Variants in TMEM132D observed in about 807,000 individuals in gnomAD.
The protein encoded by TMEM132D is mature OL transmembrane protein.
A neutral mutation model predicts 62.3 loss-of-function variants in TMEM132D; 21 were observed. That is an observed-to-expected ratio of 0.34 (90% CI 0.24 to 0.49). The LOEUF (loss-of-function observed/expected upper bound fraction) is 0.49, where lower values mean the gene tolerates loss of function less well. TMEM132D is among the 20% of genes least tolerant of loss of function. The pLI is 0.99. For missense variants in TMEM132D, 1,346 were observed against 1,402.8 expected (o/e 0.96, Z 0.65); for synonymous variants, 621 against 575.6 (o/e 1.08, Z -1.13).
chr12:129,498,386 C>T (rs111989832), intron 3 of TMEM132D, among the ~76,000 whole-genome samples: 11,561 of 152,094 alleles, frequency 0.076, 532 homozygotes, highest in Admixed American at 0.13. Flanking sequence ...CCTGAGCACC[C>T]GGGGTTACAG....
chr12:129,206,362 C>T (rs955417497), intron 5 of TMEM132D, among the ~76,000 whole-genome samples: 12 of 152,150 alleles, frequency 7.9e-5, no homozygotes, highest in Admixed American at 2.6e-4. Context: ...TGCTTAACAT[C>T]ACTAATCATT....
At chr12:129,196,118 C>T (rs1878543805) in intron 5 of TMEM132D, among the ~76,000 whole-genome samples, 1 of 151,740 alleles carries the variant, frequency 6.6e-6, no homozygotes, top group Non-Finnish European at 1.5e-5. Flanking sequence ...CAGAGTGAGA[C>T]TCCATCTCAA....
At chr12:129,796,243 A>T (rs529071956) in intron 1 of TMEM132D, among the ~76,000 whole-genome samples, 2 of 152,260 alleles carry the variant, frequency 1.3e-5, no homozygotes, top group Admixed American at 1.3e-4. Context: ...TTTGGGCTAA[A>T]TCTTTTTTGG....
At position 129,373,491 on chromosome 12, in the gene TMEM132D, G is replaced by T. The variant is rs186094625; in HGVS notation, c.1116-35674C>A. The stretch of plus-strand genomic sequence containing the variant: ...ACTAAAAATACAAAAAATTAGCCAG[G>T]CTCGGTGGCGGGCGCCTGTAGTCCC... On this transcript the variant is annotated intron_variant, in intron 3 of 8. Transcript: ENST00000422113. Among the ~76,000 whole-genome samples the T allele has an allele frequency of 2.7e-3, 406 of 152,140 alleles. 3 individuals are homozygous for T. The highest frequency in any genetic ancestry group is 9.3e-3 in the African/African-American group (384 of 41,510).
chr12:129,851,213 C>T (rs1873530137), intron 1 of TMEM132D, among the ~76,000 whole-genome samples: 1 of 152,198 alleles, frequency 6.6e-6, no homozygotes, highest in Non-Finnish European at 1.5e-5. Flanking sequence ...TTTGCGTATA[C>T]AGCTAATCCA....
intron 4 of TMEM132D, among the ~76,000 whole-genome samples, chr12:129,336,895 C>G (rs1869299144): frequency 6.6e-6 from 1 of 152,160 alleles, no homozygotes; most frequent in Non-Finnish European, 1.5e-5. Flanking sequence ...ACTACTTGCT[C>G]AAGACAAACG....
intron 4 of TMEM132D, among the ~76,000 whole-genome samples, chr12:129,316,433 T>G (rs1202965781): frequency 6.6e-6 from 1 of 152,212 alleles, no homozygotes; most frequent in African/African-American, 2.4e-5. Context: ...GGTTATTTGA[T>G]TTCCATGTAT....
chr12:129,622,018 C>A (rs1316167841), intron 2 of TMEM132D, among the ~76,000 whole-genome samples: 2 of 152,142 alleles, frequency 1.3e-5, no homozygotes, highest in Non-Finnish European at 2.9e-5. Context: ...TGGAGGGAAA[C>A]CCTCAAGTGT....
intron 5 of TMEM132D, among the ~76,000 whole-genome samples, chr12:129,206,920 G>A (rs1389328822): frequency 5.3e-5 from 8 of 152,126 alleles, no homozygotes; most frequent in African/African-American, 1.9e-4. Flanking sequence ...ATACTAGGAG[G>A]AGAATAACAC....
chr12:129,366,771 G>T (rs1870428135), intron 3 of TMEM132D, among the ~76,000 whole-genome samples: 1 of 152,130 alleles, frequency 6.6e-6, no homozygotes, highest in Non-Finnish European at 1.5e-5. Context: ...GCAGGGCAGG[G>T]TTCAACAGGA....
At chr12:129,386,506 C>G (rs1311579521) in intron 3 of TMEM132D, among the ~76,000 whole-genome samples, 1 of 152,032 alleles carries the variant, frequency 6.6e-6, no homozygotes, top group Non-Finnish European at 1.5e-5. Flanking sequence ...CCAATGCTAA[C>G]AGTATCACTA....
intron 1 of TMEM132D, among the ~76,000 whole-genome samples, chr12:129,716,175 C>CA (rs202066953): frequency 0.012 from 1,867 of 152,264 alleles, 12 homozygotes; most frequent in Non-Finnish European, 0.018. Flanking sequence ...TTCAGACTTG[C>CA]AGTCTGAAGT....
intron 3 of TMEM132D, among the ~76,000 whole-genome samples, chr12:129,485,797 T>A (rs1874563548): frequency 6.6e-6 from 1 of 152,220 alleles, no homozygotes; most frequent in Admixed American, 6.5e-5. Context: ...AGTCCAAGAA[T>A]TCTGAATCCT....
chr12:129,599,754 TTACACAA>T (rs1878437030), intron 2 of TMEM132D, among the ~76,000 whole-genome samples: 1 of 152,198 alleles, frequency 6.6e-6, no homozygotes, highest in African/African-American at 2.4e-5. Flanking sequence ...CAAGTTACAT[TTACACAA>T]TGCTGTTGTC....
chr12:129,747,214 T>TTCTCCCTCCTCCCCCTCCTTCTCCC (rs1555229163), intron 1 of TMEM132D, among the ~76,000 whole-genome samples: 1 of 5,968 alleles, frequency 1.7e-4, no homozygotes, highest in African/African-American at 4.7e-4. Context: ...TTACTCCTCC[T>TTCTCCCTCCTCCCCCTCCTTCTCCC]TCCAGCCACC....
At chr12:129,412,512 A>AC (rs35232386) in intron 3 of TMEM132D, among the ~76,000 whole-genome samples, 107,361 of 151,826 alleles carry the variant, frequency 0.71, 38,251 homozygotes, top group East Asian at 0.9. Context: ...TATAAGTGCC[A>AC]CCCCTCCTCC....
intron 3 of TMEM132D, among the ~76,000 whole-genome samples, chr12:129,452,254 A>G (rs966229910): frequency 5.3e-5 from 8 of 152,224 alleles, no homozygotes; most frequent in African/African-American, 1.9e-4. Flanking sequence ...TAACATGCCG[A>G]ACACCGGAAG....
chr12:129,492,307 T>C (rs757467487), intron 3 of TMEM132D, among the ~76,000 whole-genome samples: 6 of 152,222 alleles, frequency 3.9e-5, no homozygotes, highest in Non-Finnish European at 7.3e-5. Context: ...CAGAGTTTCC[T>C]GAAAAGCAAT....
chr12:129,851,493 G>A (rs541595165), intron 1 of TMEM132D, among the ~76,000 whole-genome samples: 1 of 152,312 alleles, frequency 6.6e-6, no homozygotes, highest in South Asian at 2.1e-4. Flanking sequence ...AATTGGAACT[G>A]TAGTGACATG....
Sources: allele counts gnomAD v4.1 joint callset (sites outside exome capture counted in the v4.1 genomes callset), GRCh38; gene constraint gnomAD v4.1.1; transcripts MANE v1.5; gene names NCBI Gene and HGNC (gene_info 2026-07-23, HGNC 2026-07-21).